UBR2: variants seen among roughly 807,000 people sequenced by gnomAD.
The protein encoded by UBR2 is E3 ubiquitin-protein ligase UBR2.
UBR2 carries 92 observed loss-of-function variants against 247.9 expected under a neutral mutation model. The ratio of observed to expected loss-of-function variants is 0.37; its 90% CI spans 0.31 to 0.44. The LOEUF (loss-of-function observed/expected upper bound fraction) is 0.44, where lower values mean the gene tolerates loss of function less well. Ranked by LOEUF, UBR2 falls within the 20% of genes least tolerant of loss-of-function variation. The pLI, the probability that UBR2 is intolerant of heterozygous loss-of-function variation, is 1.00. For missense variants in UBR2, 1,613 were observed against 2,112.6 expected (o/e 0.76, Z 4.64); for synonymous variants, 672 against 693.5 (o/e 0.97, Z 0.49).
chr6:42,663,367 T>G lies in UBR2; in HGVS notation c.3646T>G (p.Leu1216Val), dbSNP rs1192635286. 1 of 1,613,712 alleles carries G rather than the reference T, an allele frequency of 6.2e-7. No individual in the cohort carries two copies. Among genetic ancestry groups the G allele is most frequent in the Non-Finnish European group, 8.5e-7 (1 of 1,179,916 alleles). ...ATTCCTTTGCCCCCTTTGTGAATGC[T>G]TGAGTAATACTGTTATTCCTCTGCT... is the stretch of plus-strand genomic sequence containing the variant. ...GEFLCPLCEC[L>V]SNTVIPLLLP... Residue 1216 changes from leucine (L) to valine (V), a missense_variant, in exon 32 of 47, where the codon TTG (leucine) becomes GTG (valine). By Grantham distance (32) the Leu-to-Val change is conservative. Around this residue, in one of 3 missense-constraint regions of UBR2, gnomAD observed 1,524 missense variants for 1,967.3 expected, o/e 0.77. Transcript: ENST00000372901.
intron 16 of UBR2, 53 bp downstream of exon 16, chr6:42,640,323 T>G: frequency 4.0e-6 from 6 of 1,509,388 alleles, no homozygotes; most frequent in Non-Finnish European, 5.4e-6. Context: ...GTTCTTTGTA[T>G]TTGGAATCAC....
intron 11 of UBR2, among the ~76,000 whole-genome samples, chr6:42,618,174 A>G (rs940777004): frequency 6.6e-6 from 1 of 152,214 alleles, no homozygotes; most frequent in Non-Finnish European, 1.5e-5. Context: ...CAGAATCACA[A>G]TGAAAATTCC....
intron 7 of UBR2, among the ~76,000 whole-genome samples, chr6:42,609,980 C>A (rs1486538264): frequency 6.6e-6 from 1 of 151,084 alleles, no homozygotes; most frequent in Non-Finnish European, 1.5e-5. Flanking sequence ...TAAGATACCA[C>A]CTCACACCTA....
At chr6:42,652,414 A>G (rs1797175089) in intron 24 of UBR2, 77 bp from the exon 25 acceptor site, 1 of 1,458,698 alleles carries the variant, frequency 6.9e-7, no homozygotes, top group African/African-American at 1.4e-5. Context: ...TTGAGTTAAA[A>G]CTATCAAAAG....
Position 42,582,173 on chromosome 6 carries a change from C to T in UBR2, c.338+8180C>T, listed in dbSNP as rs111808256. Among the ~76,000 whole-genome samples the T allele has an allele frequency of 1.2e-3, 185 of 151,136 alleles. 3 individuals carry two copies. The highest frequency in any genetic ancestry group is 4.3e-3 in the African/African-American group (175 of 41,104). On this transcript the variant is annotated intron_variant, in intron 2 of 46. Transcript: ENST00000372901. ...TGGCGGGCACCTGTAGTCCCAGTTA[C>T]TCGGGAGGCTGAGGCAGGAGAATGA... is the stretch of plus-strand genomic sequence containing the variant.
intron 5 of UBR2, 113 bp from the exon 6 acceptor site, chr6:42,605,608 A>T: frequency 1.2e-6 from 1 of 860,728 alleles, no homozygotes; most frequent in Admixed American, 3.0e-5. Flanking sequence ...TTCTTTACAG[A>T]TATGTGTCCA....
chr6:42,637,976 A>T (rs1244473134), intron 15 of UBR2, among the ~76,000 whole-genome samples: 4 of 152,188 alleles, frequency 2.6e-5, no homozygotes, highest in Non-Finnish European at 4.4e-5. Context: ...TAAAATATGT[A>T]GTTTATGTTA....
In UBR2 at chr6:42,573,993, G is replaced by A. The variant is rs1294525152; in HGVS notation, c.338G>A (p.Arg113Lys). Reference protein sequence around the residue: ...FKVGEPTYSCRDCAVDPTCVL... With the variant: ...FKVGEPTYSCKDCAVDPTCVL... ...GTAGGAGAGCCTACATATTCTTGCA[G>A]GTAAAATATTTTAATTTTCTTTCTA... The change falls in exon 2 of 47, where the codon AGA becomes AAA. Residue 113 changes from arginine (R) to lysine (K), a missense_variant and splice_region_variant. By Grantham distance (26) the Arg-to-Lys change is conservative (BLOSUM62 2). Around this residue, in one of 3 missense-constraint regions of UBR2, gnomAD observed 1,524 missense variants for 1,967.3 expected, o/e 0.77. Coordinates refer to ENST00000372901, the MANE Select transcript of UBR2 (RefSeq NM_001363705.2). The A allele has an allele frequency of 6.4e-7, 1 of 1,553,964 alleles. No individual in the cohort carries two copies. Among genetic ancestry groups the A allele is most frequent in the Non-Finnish European group, 8.7e-7 (1 of 1,152,558 alleles).
At position 42,670,232 on chromosome 6, in the gene UBR2, A is replaced by G; in HGVS notation, c.4022A>G (p.Gln1341Arg). 6.2e-7 allele frequency: 1 copy of G among 1,613,808 alleles called. No individual in the cohort carries two copies. The highest frequency in any genetic ancestry group is 8.5e-7 in the Non-Finnish European group (1 of 1,179,714). ...TGGGGTAGCTGCGCGTACACCATCCAAAGCATAGGTAAGAGATTTACAGCT... is the reference window on the plus strand; with the variant it reads ...TGGGGTAGCTGCGCGTACACCATCCGAAGCATAGGTAAGAGATTTACAGCT... ...MCWGSCAYTI[Q>R]SIERILSDED... is the part of the protein sequence containing the mutation. The change falls in exon 35 of 47, where the codon CAA (glutamine) becomes CGA (arginine). Residue 1341 changes from glutamine to arginine, a missense_variant. Coordinates refer to ENST00000372901, the MANE Select transcript of UBR2 (RefSeq NM_001363705.2).
chr6:42,632,524 C>T (rs1795813203), intron 11 of UBR2, 28 bp from the exon 12 acceptor site: 2 of 1,559,540 alleles, frequency 1.3e-6, no homozygotes, highest in South Asian at 1.2e-5. Context: ...TTTTGATTAC[C>T]ATGCACTCTG....
chr6:42,582,784 C>G (rs1256749872), intron 2 of UBR2, among the ~76,000 whole-genome samples: 2 of 151,758 alleles, frequency 1.3e-5, no homozygotes, highest in Non-Finnish European at 2.9e-5. Context: ...AAATATCTGC[C>G]AGCATATACT....
At chr6:42,669,064 C>T (rs1249935673) in intron 34 of UBR2, among the ~76,000 whole-genome samples, 2 of 152,114 alleles carry the variant, frequency 1.3e-5, no homozygotes, top group African/African-American at 2.4e-5. Context: ...GCTGGGACTA[C>T]AGGCATGCAC....
At chr6:42,658,602 C>T (rs767549464) in intron 28 of UBR2, 44 bp from the exon 29 acceptor site, 20 of 1,534,366 alleles carry the variant, frequency 1.3e-5, no homozygotes, top group South Asian at 2.5e-5. Flanking sequence ...AAAAAATGTG[C>T]GTTTTAGCAT....
chr6:42,628,972 T>A (rs1047150097), intron 11 of UBR2, among the ~76,000 whole-genome samples: 2 of 152,070 alleles, frequency 1.3e-5, no homozygotes, highest in East Asian at 3.9e-4. Context: ...TGAATATGAA[T>A]CATATAAAAT....
chr6:42,648,231 TA>T, intron 22 of UBR2, 61 bp downstream of exon 22: 1 of 1,421,824 alleles, frequency 7.0e-7, no homozygotes, highest in East Asian at 2.3e-5. Context: ...TCATTTTTCT[TA>T]GAGTGTTTTC....
chr6:42,636,920 T>C, intron 14 of UBR2, 91 bp from the exon 15 acceptor site: 2 of 1,386,062 alleles, frequency 1.4e-6, no homozygotes, highest in Non-Finnish European at 2.0e-6. Context: ...TATTGTTATT[T>C]GAGGTACTTA....
chr6:42,688,046 C>T (rs1047449163), intron 44 of UBR2, 170 bp from the exon 45 acceptor site: 2 of 674,218 alleles, frequency 3.0e-6, no homozygotes, highest in East Asian at 5.4e-5. Flanking sequence ...TATATATGTG[C>T]AAGATGTTTC....
chr6:42,586,067 T>G (rs762062189), intron 2 of UBR2, among the ~76,000 whole-genome samples: 8 of 152,108 alleles, frequency 5.3e-5, no homozygotes, highest in Non-Finnish European at 1.2e-4. Context: ...TGAAATTTAT[T>G]GAAACTTGTT....
In UBR2 at chr6:42,644,332, A is replaced by G; in HGVS notation, c.2216A>G (p.His739Arg). 4 of 1,610,920 alleles carry G rather than the reference A, an allele frequency of 2.5e-6. No individual in the cohort carries two copies. Among genetic ancestry groups the G allele is most frequent in the African/African-American group, 2.7e-5 (2 of 74,814 alleles). The stretch of plus-strand genomic sequence containing the variant: ...AAAAGATTTAGTTCTGAGATTACCC[A>G]TAAGGTAAGAACGTGTTTTATGAAA... ...YGKRFSSEIT[H>R]KDVVQQNNTL... Residue 739 changes from histidine (H) to arginine (R), a missense_variant, in exon 19 of 47, where the codon CAT becomes CGT. By Grantham distance (29) the His-to-Arg change is conservative. Transcript: ENST00000372901.
Sources: allele counts gnomAD v4.1 joint callset (sites outside exome capture counted in the v4.1 genomes callset), GRCh38; gene constraint gnomAD v4.1.1; regional missense constraint gnomAD v4.1.1; transcripts MANE v1.5; gene names NCBI Gene and HGNC (gene_info 2026-07-23, HGNC 2026-07-21).